SPON1: variants seen among roughly 807,000 people sequenced by gnomAD.
SPON1 encodes spondin-1.
In SPON1, 52 loss-of-function variants were observed where a neutral mutation model predicts 111.7. The ratio of observed to expected loss-of-function variants is 0.47; its 90% CI spans 0.37 to 0.59. The LOEUF is 0.59. Ranked by LOEUF, SPON1 falls within the 20% of genes least tolerant of loss-of-function variation. SPON1 has a pLI of 0.00. For synonymous variants in SPON1, 410 were observed against 395.8 expected (o/e 1.04, Z -0.43); for missense variants, 957 against 1,068.5 (o/e 0.90, Z 1.46).
Position 14,259,319 on chromosome 11 carries a change from C to G in SPON1, c.1532C>G (p.Ser511Trp), listed in dbSNP as rs544994780. Residue 511 changes from serine to tryptophan, a missense_variant, in exon 12 of 16, where the codon TCG (serine) becomes TGG (tryptophan). Around this residue, in one of 5 missense-constraint regions of SPON1, gnomAD observed 549 missense variants for 606.2 expected, o/e 0.91. Coordinates refer to ENST00000576479, the MANE Select transcript of SPON1 (RefSeq NM_006108.4). The surrounding 1 kb of genome is among the most constrained non-coding windows in gnomAD (Gnocchi z 5.0). ...ACCATGTCCGAGTGGATCACCTGGT[C>G]GCCCTGCAGCATCTCCTGCGGCATG... is the stretch of plus-strand genomic sequence containing the variant. ...TCTMSEWITW[S>W]PCSISCGMGM... 4 of 1,612,890 alleles carry G rather than the reference C, an allele frequency of 2.5e-6. No homozygotes were observed. Among genetic ancestry groups the G allele is most frequent in the Non-Finnish European group, 2.5e-6 (3 of 1,179,630 alleles).
intron 3 of SPON1, among the ~76,000 whole-genome samples, chr11:14,058,150 A>C (rs1240340692): frequency 2.0e-5 from 3 of 151,918 alleles, no homozygotes; most frequent in African/African-American, 7.3e-5. Flanking sequence ...TTGGGCCAAG[A>C]TTTTGATGAG....
chr11:14,265,811 C>A lies in SPON1; in HGVS notation c.*124C>A. The A allele has an allele frequency of 8.6e-7, 1 of 1,165,612 alleles. No individual in the cohort carries two copies. The highest frequency in any genetic ancestry group is 1.2e-6 in the Non-Finnish European group (1 of 833,752). 72.2% of individuals were successfully genotyped at this position (1,165,612 alleles called of 1,614,324 possible). A position where few individuals can be genotyped will look rare whatever the true frequency, so the allele number is the denominator to read the frequency against. ...TTTCATTTTTGCAGTGTGGTTCGCC[C>A]AGTAGTCTTGTGGATGCCAGAGACA... On this transcript the variant is annotated 3_prime_UTR_variant, in exon 16 of 16. Transcript: ENST00000576479.
At chr11:14,057,844 C>CAAAAAAAAAAAAAAAAA (rs1277903384) in intron 3 of SPON1, among the ~76,000 whole-genome samples, 3 of 125,528 alleles carry the variant, frequency 2.4e-5, no homozygotes, top group Non-Finnish European at 3.4e-5. Context: ...AAAAAAAAAA[C>CAAAAAAAAAAAAAAAAA]AAAACAAAAA....
At chr11:14,166,507 T>A (rs1040227601) in intron 6 of SPON1, among the ~76,000 whole-genome samples, 29 of 152,148 alleles carry the variant, frequency 1.9e-4, no homozygotes, top group Non-Finnish European at 5.9e-5. Context: ...TGTACTCCAA[T>A]AGCACAATTT....
intron 6 of SPON1, among the ~76,000 whole-genome samples, chr11:14,184,028 T>C (rs1564926083): frequency 6.6e-6 from 1 of 152,190 alleles, no homozygotes. Flanking sequence ...CAGGCTGATA[T>C]ATGGATCAGA....
chr11:14,135,527 T>C lies in SPON1; in HGVS notation c.784T>C (p.Leu262=), dbSNP rs1847581577. The change falls in exon 6 of 16, where the codon TTG becomes CTG. Residue 262 remains leucine (L), a synonymous_variant. Coordinates refer to ENST00000576479, the MANE Select transcript of SPON1 (RefSeq NM_006108.4). This position sits in a 1 kb window ranked among gnomAD's most constrained non-coding sequence, Gnocchi z 4.4. ...ASEGVKQVAE[L]GSPVKMEEEI... ...CGAAGGCGTCAAACAAGTTGCAGAATTGGGCTCACCCGTGAAAATGGAGGA... is the reference window on the plus strand; with the variant it reads ...CGAAGGCGTCAAACAAGTTGCAGAACTGGGCTCACCCGTGAAAATGGAGGA... The C allele has an allele frequency of 6.2e-7, 1 of 1,613,850 alleles. No individual in the cohort carries two copies. Among genetic ancestry groups the C allele is most frequent in the African/African-American group, 1.3e-5 (1 of 75,012 alleles).
At chr11:14,034,940 C>T (rs1564890310) in intron 2 of SPON1, among the ~76,000 whole-genome samples, 3 of 152,202 alleles carry the variant, frequency 2.0e-5, no homozygotes, top group East Asian at 1.9e-4. Flanking sequence ...AAGTTCTCTG[C>T]GACCATCAGC....
intron 6 of SPON1, among the ~76,000 whole-genome samples, chr11:14,238,832 A>G (rs1351213347): frequency 6.6e-6 from 1 of 152,148 alleles, no homozygotes; most frequent in Non-Finnish European, 1.5e-5. Context: ...GTTTTTTCCT[A>G]TTTTAATTGG....
At chr11:13,976,452 T>C (rs921773076) in intron 1 of SPON1, among the ~76,000 whole-genome samples, 7 of 152,218 alleles carry the variant, frequency 4.6e-5, no homozygotes, top group Non-Finnish European at 1.5e-5. Context: ...CTTCAAATTA[T>C]ACTGTGTAAC....
chr11:14,242,257 T>C (rs1554939766), intron 6 of SPON1, among the ~76,000 whole-genome samples: 1 of 152,190 alleles, frequency 6.6e-6, no homozygotes, highest in Non-Finnish European at 1.5e-5. Context: ...GCATTCTAAC[T>C]GCATTCTAGG....
intron 2 of SPON1, among the ~76,000 whole-genome samples, chr11:14,026,685 G>A (rs1848521389): frequency 6.6e-6 from 1 of 152,220 alleles, no homozygotes; most frequent in African/African-American, 2.4e-5. Context: ...TAACAGGGAG[G>A]TTGAGAAAGA....
At chr11:14,124,827 ATAT>A (rs1197771164) in intron 5 of SPON1, among the ~76,000 whole-genome samples, 1 of 152,258 alleles carries the variant, frequency 6.6e-6, no homozygotes, top group African/African-American at 2.4e-5. Context: ...AATTAATAAA[ATAT>A]TATTATTGGA....
chr11:14,184,713 C>G (rs1374228344), intron 6 of SPON1, among the ~76,000 whole-genome samples: 2 of 152,208 alleles, frequency 1.3e-5, no homozygotes, highest in Non-Finnish European at 2.9e-5. Flanking sequence ...CATTAGACAT[C>G]CAGCTCTGGG....
In SPON1 at chr11:14,256,691, A is replaced by T. The variant is rs1554941255; in HGVS notation, c.1308A>T (p.Glu436Asp). 6.2e-7 allele frequency: 1 copy of T among 1,612,598 alleles called. No individual in the cohort carries two copies. The highest frequency in any genetic ancestry group is 2.2e-5 in the East Asian group (1 of 44,844). ...ACCTGGCTCCAGAAGAGAAAGATGA[A>T]GGTACGTTGTTTTCTTTTGTTGCAG... ...VADLAPEEKD[E>D]DDTPETCIYS... The change falls in exon 10 of 16, where the codon GAA becomes GAT. Residue 436 changes from glutamate (E) to aspartate (D), a missense_variant and splice_region_variant. Glu to Asp is a conservative substitution (Grantham distance 45, BLOSUM62 2). Around this residue, in one of 5 missense-constraint regions of SPON1, gnomAD observed 549 missense variants for 606.2 expected, o/e 0.91. Coordinates refer to ENST00000576479, the MANE Select transcript of SPON1 (RefSeq NM_006108.4).
In SPON1 at chr11:14,228,484, C is replaced by CA. The variant is rs1254531979; in HGVS notation, c.826-14847dup. ...CAGAGGGAGAAGTTGAGCTGTGTCGCAGGCCCAACAAAGACCTCTACCAAC... is the reference window on the plus strand; with the variant it reads ...CAGAGGGAGAAGTTGAGCTGTGTCGCAAGGCCCAACAAAGACCTCTACCAAC... On this transcript the variant is annotated intron_variant, in intron 6 of 15. Transcript: ENST00000576479. The surrounding 1 kb of genome is among the most constrained non-coding windows in gnomAD (Gnocchi z 4.2). Among the ~76,000 whole-genome samples, 2 of 152,192 alleles carry CA rather than the reference C, an allele frequency of 1.3e-5. No individual in the cohort carries two copies.
chr11:14,153,905 G>A (rs1055047931), intron 6 of SPON1, among the ~76,000 whole-genome samples: 11 of 152,172 alleles, frequency 7.2e-5, no homozygotes, highest in South Asian at 2.1e-4. Context: ...GGTTACAGGC[G>A]CTATGCAAGT....
intron 3 of SPON1, among the ~76,000 whole-genome samples, chr11:14,067,591 ACTTCC>A (rs1564897604): frequency 6.6e-6 from 1 of 152,016 alleles, no homozygotes; most frequent in Non-Finnish European, 1.5e-5. Context: ...GGGAAGCAAA[ACTTCC>A]TCAGAAGGAT....
chr11:14,018,613 A>G (rs1848459621), intron 2 of SPON1, among the ~76,000 whole-genome samples: 1 of 152,212 alleles, frequency 6.6e-6, no homozygotes, highest in Non-Finnish European at 1.5e-5. Context: ...CTGCAGTATG[A>G]TAAGGCCAGA....
intron 6 of SPON1, among the ~76,000 whole-genome samples, chr11:14,189,638 C>T (rs554624493): frequency 2.0e-5 from 3 of 152,184 alleles, no homozygotes; most frequent in Non-Finnish European, 2.9e-5. Context: ...TTGTCTCCAA[C>T]GCAGTTCGCT....
Sources: gnomAD v4.1 joint callset for allele counts (sites outside exome capture counted in the v4.1 genomes callset) on GRCh38, gnomAD v4.1.1 for gene constraint, gnomAD v4.1.1 regional missense constraint, Gnocchi (gnomAD v3.1) non-coding constraint, MANE v1.5 for transcripts, NCBI Gene and HGNC (gene_info 2026-07-23, HGNC 2026-07-21) for gene names.